The following WDHD1 variants were observed in gnomAD, a reference collection of about 807,000 sequenced individuals.
WDHD1 encodes the protein WD repeat and HMG-box DNA binding protein 1.
A neutral mutation model predicts 135.4 loss-of-function variants in WDHD1; 111 were observed. The observed-to-expected ratio is 0.82, with a 90% confidence interval of 0.70 to 0.96. The LOEUF is 0.96. Ranked by LOEUF, WDHD1 falls within the 40% of genes least tolerant of loss-of-function variation. The probability of loss-of-function intolerance (pLI) is 0.00; values close to 1 mark genes in which losing one functional copy is unlikely to be tolerated. For synonymous variants in WDHD1, 434 were observed against 439.0 expected (o/e 0.99, Z 0.14); for missense variants, 1,351 against 1,336.3 (o/e 1.01, Z -0.17).
chr14:54,991,110 TAATC>T (rs1013698211), intron 12 of WDHD1, 99 bp downstream of exon 12: 1 of 614,576 alleles, frequency 1.6e-6, no homozygotes, highest in African/African-American at 1.8e-5. Flanking sequence ...CCAGGCTACT[TAATC>T]AAAGTTTTTA....
chr14:54,991,132 G>T, intron 12 of WDHD1, 81 bp downstream of exon 12: 1 of 739,742 alleles, frequency 1.4e-6, no homozygotes, highest in Non-Finnish European at 2.2e-6. Context: ...TTAAAAATAT[G>T]TTTTATCCAA....
At chr14:54,950,987 C>G (rs1212313962) in intron 24 of WDHD1, among the ~76,000 whole-genome samples, 2 of 152,122 alleles carry the variant, frequency 1.3e-5, no homozygotes, top group African/African-American at 4.8e-5. Flanking sequence ...CTCTGGGACA[C>G]ATTTAAAGCA....
chr14:55,016,431 C>T (rs1203428578), intron 2 of WDHD1, among the ~76,000 whole-genome samples: 1 of 152,142 alleles, frequency 6.6e-6, no homozygotes, highest in Admixed American at 6.5e-5. Context: ...TACAGTCATA[C>T]TATAGTGATA....
At chr14:55,016,752 C>G (rs1453527080) in intron 2 of WDHD1, among the ~76,000 whole-genome samples, 4 of 152,210 alleles carry the variant, frequency 2.6e-5, no homozygotes, top group African/African-American at 7.2e-5. Context: ...TGGCTAGTAG[C>G]TACTGTATTG....
intron 10 of WDHD1, among the ~76,000 whole-genome samples, chr14:54,998,370 T>A (rs2041921022): frequency 6.6e-6 from 1 of 152,076 alleles, no homozygotes; most frequent in Non-Finnish European, 1.5e-5. Context: ...CCTCAGGTGA[T>A]CCACCGGCCT....
intron 16 of WDHD1, among the ~76,000 whole-genome samples, chr14:54,968,355 GC>G (rs1346024165): frequency 6.6e-6 from 1 of 152,066 alleles, no homozygotes; most frequent in African/African-American, 2.4e-5. Context: ...ATGGGATGCA[GC>G]AAAAGCAATG....
intron 5 of WDHD1, 22 bp downstream of exon 5, chr14:55,008,586 A>C: frequency 6.4e-7 from 1 of 1,569,178 alleles, no homozygotes; most frequent in South Asian, 1.2e-5. Flanking sequence ...AAAACACAAA[A>C]AGAGAAGGAA....
At chr14:54,979,041 A>G (rs1215339167) in intron 16 of WDHD1, among the ~76,000 whole-genome samples, 3 of 152,034 alleles carry the variant, frequency 2.0e-5, no homozygotes, top group Non-Finnish European at 4.4e-5. Flanking sequence ...CTTCTTTACT[A>G]AATTCATTGC....
At chr14:54,999,810 T>A (rs1566735503) in intron 10 of WDHD1, among the ~76,000 whole-genome samples, 1 of 152,130 alleles carries the variant, frequency 6.6e-6, no homozygotes, top group Non-Finnish European at 1.5e-5. Flanking sequence ...TCCCACCATG[T>A]TGCCCAGGCT....
intron 6 of WDHD1, among the ~76,000 whole-genome samples, chr14:55,007,779 A>G (rs538573703): frequency 3.8e-4 from 58 of 152,346 alleles, no homozygotes; most frequent in Middle Eastern, 3.4e-3. Context: ...ATATTAAGGC[A>G]TATTTGTGGA....
intron 24 of WDHD1, 179 bp from the exon 25 acceptor site, chr14:54,944,649 TCA>T (rs2040892504): frequency 2.1e-6 from 1 of 477,118 alleles, no homozygotes; most frequent in Admixed American, 5.1e-5. Context: ...AGACAGAGTC[TCA>T]CTCTGTCACC....
intron 16 of WDHD1, among the ~76,000 whole-genome samples, chr14:54,969,083 G>A (rs2041389650): frequency 6.6e-6 from 1 of 151,998 alleles, no homozygotes; most frequent in Non-Finnish European, 1.5e-5. Flanking sequence ...TTGTTGCCCA[G>A]GCTGGAGTGC....
chr14:54,957,655 C>T lies in WDHD1; in HGVS notation c.2702-20G>A. 1 of 1,599,490 alleles carries T rather than the reference C, an allele frequency of 6.3e-7. No homozygotes were observed. The highest frequency in any genetic ancestry group is 1.7e-4 in the Middle Eastern group (1 of 5,986). ...CTGCACCTTTCACAAAAAAGAAACC[C>T]TTGCTTAATAATGGTAGAAAATAGA... On this transcript the variant is annotated intron_variant, in intron 21 of 25. Coordinates refer to ENST00000360586, the MANE Select transcript of WDHD1 (RefSeq NM_007086.4).
At chr14:55,003,561 A>G (rs933299377) in intron 7 of WDHD1, among the ~76,000 whole-genome samples, 1 of 147,946 alleles carries the variant, frequency 6.8e-6, no homozygotes, top group Non-Finnish European at 1.5e-5. Context: ...TTGTGTATAT[A>G]TGTATAAAAA....
At chr14:55,014,849 A>G (rs1555372581) in intron 2 of WDHD1, among the ~76,000 whole-genome samples, 1 of 152,140 alleles carries the variant, frequency 6.6e-6, no homozygotes, top group Non-Finnish European at 1.5e-5. Context: ...CTGGGAAGTC[A>G]AAGAACAAGC....
At chr14:54,988,786 G>A (rs1044849163) in intron 13 of WDHD1, among the ~76,000 whole-genome samples, 2 of 149,922 alleles carry the variant, frequency 1.3e-5, no homozygotes, top group African/African-American at 2.5e-5. Flanking sequence ...CCCATCTCTT[G>A]CATTACTAAC....
chr14:54,964,180 T>C (rs1464091826), intron 18 of WDHD1, among the ~76,000 whole-genome samples: 3 of 152,202 alleles, frequency 2.0e-5, no homozygotes, highest in African/African-American at 4.8e-5. Flanking sequence ...GGTCTCCTAA[T>C]TCATAGTGTA....
rs773951042 is a variant in WDHD1, at chr14:55,008,380, C to T, written c.454-14G>A. The stretch of plus-strand genomic sequence containing the variant: ...ACTAGCTGATGCCTGCAGGAATAAA[C>T]AATACATTTCTCTATAGTCATAGCC... On this transcript the variant is annotated splice_polypyrimidine_tract_variant and intron_variant, in intron 5 of 25. Transcript: ENST00000360586. 6.2e-7 allele frequency: 1 copy of T among 1,612,284 alleles called. No individual in the cohort carries two copies. Among genetic ancestry groups the T allele is most frequent in the African/African-American group, 1.3e-5 (1 of 74,838 alleles).
intron 16 of WDHD1, 91 bp downstream of exon 16, chr14:54,981,449 T>C (rs2041617301): frequency 4.7e-6 from 6 of 1,289,738 alleles, no homozygotes; most frequent in African/African-American, 3.0e-5. Flanking sequence ...TGGACTAAGA[T>C]AAAAGACAAA....
Sources: allele counts gnomAD v4.1 joint callset (sites outside exome capture counted in the v4.1 genomes callset), GRCh38; gene constraint gnomAD v4.1.1; transcripts MANE v1.5; gene names NCBI Gene and HGNC (gene_info 2026-07-23, HGNC 2026-07-21).